RBKS: variants seen among roughly 807,000 people sequenced by gnomAD.
The protein encoded by RBKS is ribokinase.
A neutral mutation model predicts 33.9 loss-of-function variants in RBKS; 33 were observed. The observed-to-expected ratio is 0.97, with a 90% CI of 0.74 to 1.30. The LOEUF (loss-of-function observed/expected upper bound fraction) is 1.30, where lower values mean the gene tolerates loss of function less well. Among genes scored for constraint, RBKS ranks in the 50% most tolerant of loss-of-function variants. The probability of loss-of-function intolerance (pLI) is 0.00; values close to 1 mark genes in which losing one functional copy is unlikely to be tolerated. For synonymous variants in RBKS, 125 were observed against 143.0 expected (o/e 0.87, Z 0.90); for missense variants, 361 against 392.6 (o/e 0.92, Z 0.68).
At chr2:27,859,529 A>C (rs1663929313) in intron 1 of RBKS, among the ~76,000 whole-genome samples, 1 of 152,158 alleles carries the variant, frequency 6.6e-6, no homozygotes, top group South Asian at 2.1e-4. Context: ...GTGAGGAAAT[A>C]AAATATTTGA....
At chr2:27,860,492 C>G (rs1156626806) in intron 1 of RBKS, among the ~76,000 whole-genome samples, 1 of 152,194 alleles carries the variant, frequency 6.6e-6, no homozygotes, top group Admixed American at 6.5e-5. Flanking sequence ...TCCACTACAT[C>G]TATACTTAGA....
chr2:27,840,566 G>C (rs571289411), intron 5 of RBKS, among the ~76,000 whole-genome samples: 1 of 152,200 alleles, frequency 6.6e-6, no homozygotes, highest in Admixed American at 6.5e-5. Context: ...TGGGGTTACA[G>C]TGCTGAAAAC....
chr2:27,858,453 A>T lies in RBKS; in HGVS notation c.208T>A (p.Ser70Thr), dbSNP rs1453269679. 1 of 1,613,540 alleles carries T rather than the reference A, an allele frequency of 6.2e-7. No individual in the cohort carries two copies. The highest frequency in any genetic ancestry group is 8.5e-7 in the Non-Finnish European group (1 of 1,179,868). The change falls in exon 2 of 8, where the codon TCC becomes ACC. Residue 70 changes from serine to threonine, a missense_variant. Ser to Thr is a moderately conservative substitution (Grantham distance 58). Transcript: ENST00000302188. ...TTTGTACTTACCTTACACACCATGG[A>T]CGTCATTGCTCCAAGCCGAGCAGCT... ...VQAARLGAMT[S>T]MVCKVGKDSF... is the part of the protein sequence containing the mutation.
At chr2:27,783,056 C>T (rs865941301) in intron 7 of RBKS, among the ~76,000 whole-genome samples, 2 of 152,120 alleles carry the variant, frequency 1.3e-5, no homozygotes, top group Non-Finnish European at 2.9e-5. Context: ...CGAATTGTTC[C>T]AGCTTTGGCC....
chr2:27,866,843 C>G (rs1664111829), intron 1 of RBKS, among the ~76,000 whole-genome samples: 1 of 152,156 alleles, frequency 6.6e-6, no homozygotes, highest in Non-Finnish European at 1.5e-5. Flanking sequence ...GTTGCTCATG[C>G]CTGTAATCCC....
At chr2:27,858,596 A>T (rs376177351) in intron 1 of RBKS, 25 bp from the exon 2 acceptor site, 176 of 1,604,426 alleles carry the variant, frequency 1.1e-4, no homozygotes, top group Non-Finnish European at 1.4e-4. Flanking sequence ...AAAGAGAAGA[A>T]AAAAGCATAT....
At chr2:27,811,071 C>T (rs551995885) in intron 7 of RBKS, among the ~76,000 whole-genome samples, 43 of 152,300 alleles carry the variant, frequency 2.8e-4, no homozygotes, top group Middle Eastern at 3.4e-3. Context: ...TGAAGCAGCA[C>T]AAATATGCCA....
At chr2:27,852,958 C>T (rs1418615281) in intron 2 of RBKS, among the ~76,000 whole-genome samples, 1 of 152,170 alleles carries the variant, frequency 6.6e-6, no homozygotes, top group African/African-American at 2.4e-5. Context: ...TTCATATTAA[C>T]TTTTAACTTG....
intron 1 of RBKS, chr2:27,861,659 T>C: frequency 2.6e-6 from 1 of 383,014 alleles, no homozygotes; most frequent in South Asian, 1.9e-5. Flanking sequence ...GTTCCATTTC[T>C]TTTTGGGGGG....
chr2:27,784,503 A>C (rs1677362246), intron 7 of RBKS, among the ~76,000 whole-genome samples: 1 of 152,248 alleles, frequency 6.6e-6, no homozygotes, highest in South Asian at 2.1e-4. Flanking sequence ...ATAGTATTGC[A>C]GAATTTATAA....
chr2:27,819,353 G>C (rs1678155722), intron 7 of RBKS, among the ~76,000 whole-genome samples: 1 of 152,066 alleles, frequency 6.6e-6, no homozygotes, highest in South Asian at 2.1e-4. Context: ...TACCCCTTAT[G>C]ACCTCATTTA....
chr2:27,787,063 A>G (rs1677419133), intron 7 of RBKS, among the ~76,000 whole-genome samples: 1 of 152,160 alleles, frequency 6.6e-6, no homozygotes, highest in Non-Finnish European at 1.5e-5. Flanking sequence ...ATCATAGCTC[A>G]CTGATGCCTT....
At chr2:27,855,665 TC>T (rs1286399292) in intron 2 of RBKS, among the ~76,000 whole-genome samples, 7 of 152,214 alleles carry the variant, frequency 4.6e-5, no homozygotes, top group Non-Finnish European at 2.9e-5. Flanking sequence ...GTAGCTTTGG[TC>T]CATGACTCAG....
chr2:27,802,428 GTTT>G (rs1677814851), intron 7 of RBKS, among the ~76,000 whole-genome samples: 1 of 120,404 alleles, frequency 8.3e-6, no homozygotes, highest in African/African-American at 3.9e-5. Context: ...AGGAACATAT[GTTT>G]GTGTGTGTGT....
intron 5 of RBKS, among the ~76,000 whole-genome samples, chr2:27,840,020 C>CTTT (rs57069432): frequency 1.1e-4 from 15 of 136,682 alleles, no homozygotes; most frequent in African/African-American, 1.4e-4. Flanking sequence ...CACTCTTCTT[C>CTTT]TTTTTTTTTT....
At chr2:27,851,345 C>A (rs1343521981) in intron 2 of RBKS, among the ~76,000 whole-genome samples, 3 of 152,130 alleles carry the variant, frequency 2.0e-5, no homozygotes, top group African/African-American at 7.2e-5. Context: ...CTCATCTCCA[C>A]ACCTCCTATG....
chr2:27,791,689 ATATACATATACG>A (rs1248875580), intron 7 of RBKS, among the ~76,000 whole-genome samples: 2 of 147,640 alleles, frequency 1.4e-5, no homozygotes, highest in Non-Finnish European at 3.0e-5. Flanking sequence ...ATACATATAC[ATATACATATACG>A]TATACATCTC....
intron 2 of RBKS, among the ~76,000 whole-genome samples, chr2:27,850,693 G>A (rs1663729298): frequency 6.6e-6 from 1 of 152,062 alleles, no homozygotes; most frequent in East Asian, 1.9e-4. Context: ...CCATTGTCTC[G>A]ATGTACCAGA....
intron 5 of RBKS, among the ~76,000 whole-genome samples, chr2:27,834,571 C>T (rs935340328): frequency 1.3e-5 from 2 of 152,186 alleles, no homozygotes; most frequent in African/African-American, 4.8e-5. Context: ...CTCATTGGTT[C>T]TCTCACTTCT....
Sources: gnomAD v4.1 joint callset for allele counts (sites outside exome capture counted in the v4.1 genomes callset) on GRCh38, gnomAD v4.1.1 for gene constraint, MANE v1.5 for transcripts, NCBI Gene and HGNC (gene_info 2026-07-23, HGNC 2026-07-21) for gene names.